LRRC49: variants seen among roughly 807,000 people sequenced by gnomAD.
LRRC49 encodes the protein leucine-rich repeat-containing protein 49.
In LRRC49, 50 loss-of-function variants were observed where a neutral mutation model predicts 83.3. The observed-to-expected ratio is 0.60, with a 90% confidence interval of 0.48 to 0.76. The LOEUF is 0.76. Ranked by LOEUF, LRRC49 falls within the 30% of genes least tolerant of loss-of-function variation. The pLI is 0.00. For missense variants in LRRC49, 704 were observed against 809.1 expected (o/e 0.87, Z 1.58); for synonymous variants, 286 against 283.3 (o/e 1.01, Z -0.10).
At chr15:71,010,080 C>A in intron 13 of LRRC49, 88 bp downstream of exon 13, 2 of 718,332 alleles carry the variant, frequency 2.8e-6, no homozygotes, top group South Asian at 4.0e-5. Flanking sequence ...TTTAAGTAAC[C>A]ATGATAGAAC....
At position 71,053,002 on chromosome 15, in the gene LRRC49, G is replaced by A. The variant is rs2040012282; in HGVS notation, c.*3390G>A. The A allele has an allele frequency of 6.6e-6, 1 of 152,168 alleles. No homozygotes were observed. The highest frequency in any genetic ancestry group is 6.5e-5 in the Admixed American group (1 of 15,270). The allele number at this position is 152,168 out of a possible 1,614,324, so 9.4% of individuals were successfully genotyped here. A position where few individuals can be genotyped will look rare whatever the true frequency, so the allele number is the denominator to read the frequency against. Reference sequence around the variant, plus strand: ...GGTATAAATACTAACAAATGTATAAGTACACATGTACAATATTGTGTATTA... The same window carrying A: ...GGTATAAATACTAACAAATGTATAAATACACATGTACAATATTGTGTATTA... On this transcript the variant is annotated 3_prime_UTR_variant, in exon 16 of 16. Transcript: ENST00000260382.
At chr15:70,863,206 A>G (rs943433146) in intron 1 of LRRC49, among the ~76,000 whole-genome samples, 4 of 152,246 alleles carry the variant, frequency 2.6e-5, no homozygotes, top group African/African-American at 4.8e-5. Context: ...ATTTAAATGT[A>G]TAGTCCTGCA....
intron 1 of LRRC49, among the ~76,000 whole-genome samples, chr15:70,865,725 A>G (rs1324073610): frequency 6.6e-6 from 1 of 152,232 alleles, no homozygotes; most frequent in African/African-American, 2.4e-5. Flanking sequence ...GGCAAGAAGT[A>G]TAACCTACCT....
chr15:70,889,872 T>C (rs2033508092), upstream of LRRC49, among the ~76,000 whole-genome samples: 1 of 152,228 alleles, frequency 6.6e-6, no homozygotes, highest in Non-Finnish European at 1.5e-5. Context: ...AGCCAATTTT[T>C]TAGCGATGTG....
At chr15:70,853,870 G>T (rs2032563702) in intron 1 of LRRC49, 2 of 1,260,596 alleles carry the variant, frequency 1.6e-6, no homozygotes, top group Non-Finnish European at 1.0e-6. Flanking sequence ...CCACCTCCCG[G>T]GCCAGCCGCC....
chr15:70,892,636 A>G (rs2033630391), upstream of LRRC49: 4 of 1,448,066 alleles, frequency 2.8e-6, no homozygotes, highest in East Asian at 5.1e-5. Flanking sequence ...CCTCCTCCCA[A>G]TACTCCCGCT....
At chr15:70,928,118 C>T (rs2035275286) in intron 7 of LRRC49, among the ~76,000 whole-genome samples, 1 of 152,104 alleles carries the variant, frequency 6.6e-6, no homozygotes, top group Non-Finnish European at 1.5e-5. Context: ...TCAAATGGAT[C>T]TTTTTTCTGG....
chr15:70,907,513 G>A (rs1000904821), intron 5 of LRRC49: 10 of 153,968 alleles, frequency 6.5e-5, no homozygotes, highest in African/African-American at 2.4e-4. Flanking sequence ...TGCCACCCTC[G>A]TCATTACAGG....
At chr15:71,040,646 C>A (rs1037277563) in intron 15 of LRRC49, among the ~76,000 whole-genome samples, 1 of 151,738 alleles carries the variant, frequency 6.6e-6, no homozygotes, top group Non-Finnish European at 1.5e-5. Context: ...GGTGAAACCC[C>A]GTCTCTATTA....
intron 4 of LRRC49, among the ~76,000 whole-genome samples, 165 bp from the exon 5 acceptor site, chr15:70,904,387 G>T (rs761597912): frequency 6.6e-6 from 1 of 152,064 alleles, no homozygotes; most frequent in African/African-American, 2.4e-5. Context: ...TTGTGTGAAT[G>T]ATTTACAATT....
intron 2 of LRRC49, among the ~76,000 whole-genome samples, chr15:70,894,962 T>C (rs577530293): frequency 6.6e-6 from 1 of 152,348 alleles, no homozygotes; most frequent in East Asian, 1.9e-4. Flanking sequence ...TCCTAATTGA[T>C]TTCTCTGGAC....
intron 7 of LRRC49, among the ~76,000 whole-genome samples, chr15:70,920,219 T>C (rs2141134522): frequency 6.6e-6 from 1 of 152,310 alleles, no homozygotes; most frequent in African/African-American, 2.4e-5. Flanking sequence ...AATGGTACAC[T>C]TGAAAAGGCT....
intron 15 of LRRC49, among the ~76,000 whole-genome samples, chr15:71,040,737 G>A (rs188056197): frequency 2.7e-4 from 40 of 149,564 alleles, no homozygotes; most frequent in African/African-American, 9.1e-4. Context: ...GGAGAATGGC[G>A]TGAACCTGGG....
chr15:70,976,431 C>T (rs1265845462), intron 9 of LRRC49, among the ~76,000 whole-genome samples: 2 of 152,176 alleles, frequency 1.3e-5, no homozygotes, highest in African/African-American at 4.8e-5. Context: ...GGTTAAAACA[C>T]ACCTTGCCAT....
intron 8 of LRRC49, among the ~76,000 whole-genome samples, chr15:70,951,768 A>T (rs1382635946): frequency 1.3e-5 from 2 of 152,092 alleles, no homozygotes; most frequent in Non-Finnish European, 2.9e-5. Context: ...TTCTTGCCTG[A>T]TAGCTCTGGT....
chr15:70,965,907 A>G (rs1037562267), intron 9 of LRRC49, among the ~76,000 whole-genome samples: 13 of 152,030 alleles, frequency 8.6e-5, no homozygotes, highest in African/African-American at 3.1e-4. Flanking sequence ...TACCTTTTTT[A>G]AGGACTTTTT....
At chr15:71,046,388 A>G (rs2039855835) in intron 15 of LRRC49, among the ~76,000 whole-genome samples, 1 of 152,078 alleles carries the variant, frequency 6.6e-6, no homozygotes, top group Non-Finnish European at 1.5e-5. Context: ...TTTTAGTAAT[A>G]GCCATTCTAA....
At chr15:71,004,660 A>AC (rs1567094475) in intron 11 of LRRC49, among the ~76,000 whole-genome samples, 1 of 151,974 alleles carries the variant, frequency 6.6e-6, no homozygotes, top group East Asian at 1.9e-4. Context: ...AAAAAAAAAA[A>AC]AAAGAAAGAA....
At chr15:71,000,113 A>G (rs1486105830) in intron 11 of LRRC49, among the ~76,000 whole-genome samples, 1 of 152,262 alleles carries the variant, frequency 6.6e-6, no homozygotes, top group African/African-American at 2.4e-5. Context: ...AAGATGCTTC[A>G]GAACTCTCTT....
Sources: gnomAD v4.1 joint callset for allele counts (sites outside exome capture counted in the v4.1 genomes callset) on GRCh38, gnomAD v4.1.1 for gene constraint, MANE v1.5 for transcripts, NCBI Gene and HGNC (gene_info 2026-07-23, HGNC 2026-07-21) for gene names.